The following ATP8A1 variants were observed in gnomAD, a reference collection of about 807,000 sequenced individuals.
The protein encoded by ATP8A1 is phospholipid-transporting ATPase IA.
In ATP8A1, 90 loss-of-function variants were observed where a neutral mutation model predicts 177.7. That is an observed-to-expected ratio of 0.51 (90% CI 0.43 to 0.60). The LOEUF is 0.60. ATP8A1 is among the 20% of genes least tolerant of loss of function. ATP8A1 has a pLI of 0.00. For missense variants in ATP8A1, 1,072 were observed against 1,392.8 expected, an observed-to-expected ratio of 0.77 and a Z score of 3.67; for synonymous variants, 493 against 485.9, an observed-to-expected ratio of 1.01 and a Z score of -0.19.
intron 27 of ATP8A1, among the ~76,000 whole-genome samples, chr4:42,460,777 T>A (rs1719043278): frequency 2.0e-5 from 3 of 152,156 alleles, no homozygotes; most frequent in African/African-American, 7.2e-5. Context: ...AAGGGAACCC[T>A]CAGCAGATTT....
chr4:42,420,460 T>C (rs1713772157), intron 35 of ATP8A1, among the ~76,000 whole-genome samples: 1 of 152,244 alleles, frequency 6.6e-6, no homozygotes, highest in Non-Finnish European at 1.5e-5. Flanking sequence ...TGGTCATTTA[T>C]GCTGGAATTC....
At chr4:42,585,170 A>G (rs917239416) in intron 9 of ATP8A1, among the ~76,000 whole-genome samples, 25 of 152,216 alleles carry the variant, frequency 1.6e-4, no homozygotes, top group African/African-American at 5.5e-4. Context: ...ATCATTGCTC[A>G]AATGTTACCT....
rs1712616310 is a variant in ATP8A1, at chr4:42,411,637, T to C, written c.*1279A>G. The C allele has an allele frequency of 1.3e-5, 2 of 152,208 alleles. No individual in the cohort carries two copies. The highest frequency in any genetic ancestry group is 4.8e-5 in the African/African-American group (2 of 41,452). 9.4% of individuals were successfully genotyped at this position (152,208 alleles called of 1,614,324 possible). A position where few individuals can be genotyped will look rare whatever the true frequency, so the allele number is the denominator to read the frequency against. On this transcript the variant is annotated 3_prime_UTR_variant, in exon 37 of 37. Transcript: ENST00000381668. ...TTGTAAATGCTGAAAATAATTGAAC[T>C]GAAGATACATTTTAAAACATACTAA...
intron 24 of ATP8A1, among the ~76,000 whole-genome samples, chr4:42,500,919 G>A (rs1157027428): frequency 6.6e-6 from 1 of 151,780 alleles, no homozygotes; most frequent in Non-Finnish European, 1.5e-5. Flanking sequence ...AAAGCCCAGT[G>A]GAATTTCTTC....
At chr4:42,647,244 C>T (rs1740630273) in intron 1 of ATP8A1, among the ~76,000 whole-genome samples, 3 of 152,206 alleles carry the variant, frequency 2.0e-5, no homozygotes, top group African/African-American at 7.2e-5. Flanking sequence ...AACAAGCTTA[C>T]TTTGAGCTAT....
At chr4:42,452,983 A>G (rs550995414) in intron 29 of ATP8A1, among the ~76,000 whole-genome samples, 1 of 152,336 alleles carries the variant, frequency 6.6e-6, no homozygotes, top group African/African-American at 2.4e-5. Flanking sequence ...ACTGGATTGT[A>G]TGATCCAATT....
intron 24 of ATP8A1, among the ~76,000 whole-genome samples, chr4:42,487,833 CT>C (rs1355074446): frequency 6.6e-6 from 1 of 152,148 alleles, no homozygotes; most frequent in Admixed American, 6.6e-5. Flanking sequence ...GACTGCCCAA[CT>C]TTCCTAATGC....
At chr4:42,420,261 TA>T (rs1360227747) in intron 35 of ATP8A1, among the ~76,000 whole-genome samples, 6 of 152,204 alleles carry the variant, frequency 3.9e-5, no homozygotes, top group Non-Finnish European at 8.8e-5. Context: ...CACTGATCAT[TA>T]ACCTTCTGAT....
chr4:42,522,339 T>A, intron 21 of ATP8A1, 40 bp from the exon 22 acceptor site: 1 of 1,597,296 alleles, frequency 6.3e-7, no homozygotes, highest in Non-Finnish European at 8.5e-7. Context: ...ACACCAAAGA[T>A]TTTCTTCAGA....
At chr4:42,622,979 AG>A (rs1480701605) in intron 4 of ATP8A1, among the ~76,000 whole-genome samples, 2 of 146,048 alleles carry the variant, frequency 1.4e-5, no homozygotes, top group Non-Finnish European at 3.0e-5. Context: ...ACTGCACTCC[AG>A]CCTGGGTGAT....
At chr4:42,551,570 T>C (rs1729507689) in intron 17 of ATP8A1, among the ~76,000 whole-genome samples, 1 of 152,180 alleles carries the variant, frequency 6.6e-6, no homozygotes, top group African/African-American at 2.4e-5. Context: ...TACCCTTTCA[T>C]CCAGTGTATT....
At chr4:42,466,209 A>C (rs1719748845) in intron 25 of ATP8A1, among the ~76,000 whole-genome samples, 1 of 152,230 alleles carries the variant, frequency 6.6e-6, no homozygotes, top group Admixed American at 6.5e-5. Flanking sequence ...ATAGTAAGAA[A>C]CAACTTATGT....
chr4:42,549,848 AT>A (rs1281037677), intron 18 of ATP8A1, among the ~76,000 whole-genome samples: 2 of 152,336 alleles, frequency 1.3e-5, no homozygotes, highest in African/African-American at 4.8e-5. Flanking sequence ...AAACAAAAAA[AT>A]AATTACCAAA....
chr4:42,470,234 T>C (rs1283013557), intron 25 of ATP8A1, among the ~76,000 whole-genome samples: 1 of 152,226 alleles, frequency 6.6e-6, no homozygotes, highest in Non-Finnish European at 1.5e-5. Flanking sequence ...GAGTGCAATA[T>C]GCTTTTCAGA....
intron 20 of ATP8A1, among the ~76,000 whole-genome samples, chr4:42,540,978 C>G (rs1728327288): frequency 6.6e-6 from 1 of 151,950 alleles, no homozygotes. Context: ...ATACATGTAA[C>G]AATTTCTCAT....
intron 25 of ATP8A1, among the ~76,000 whole-genome samples, chr4:42,465,443 C>T (rs1406125634): frequency 1.3e-5 from 2 of 152,168 alleles, no homozygotes; most frequent in African/African-American, 2.4e-5. Context: ...CTAAATCCTA[C>T]ATAGTAGCTG....
At chr4:42,523,659 A>G (rs969952622) in intron 21 of ATP8A1, among the ~76,000 whole-genome samples, 1 of 152,152 alleles carries the variant, frequency 6.6e-6, no homozygotes, top group Non-Finnish European at 1.5e-5. Flanking sequence ...ATTAAAATCT[A>G]TGAGTTGAGT....
chr4:42,558,934 G>A (rs80323654), intron 15 of ATP8A1, among the ~76,000 whole-genome samples: 3,888 of 152,288 alleles, frequency 0.026, 158 homozygotes, highest in African/African-American at 0.088. Flanking sequence ...CAGCACTTTC[G>A]GGAGGCTGAG....
chr4:42,600,418 A>G, intron 6 of ATP8A1, 60 bp downstream of exon 6: 1 of 1,408,168 alleles, frequency 7.1e-7, no homozygotes, highest in Non-Finnish European at 9.6e-7. Flanking sequence ...AAAATTATAT[A>G]TACTAGAGTA....
Sources: gnomAD v4.1 joint callset for allele counts (sites outside exome capture counted in the v4.1 genomes callset) on GRCh38, gnomAD v4.1.1 for gene constraint, MANE v1.5 for transcripts, NCBI Gene and HGNC (gene_info 2026-07-23, HGNC 2026-07-21) for gene names.